The following TRIO variants were observed in gnomAD, a reference collection of about 807,000 sequenced individuals.
TRIO encodes trio Rho guanine nucleotide exchange factor, also known as triple functional domain protein.
TRIO carries 58 observed loss-of-function variants against 351.9 expected under a neutral mutation model. The observed-to-expected ratio is 0.16, with a 90% confidence interval of 0.13 to 0.21. The LOEUF (loss-of-function observed/expected upper bound fraction) is 0.21. Ranked by LOEUF, TRIO falls within the 10% of genes least tolerant of loss-of-function variation. The probability of loss-of-function intolerance (pLI) is 1.00; values close to 1 mark genes in which losing one functional copy is unlikely to be tolerated. For synonymous variants in TRIO, 1,758 were observed against 1,595.7 expected (o/e 1.10, Z -2.42); for missense variants, 3,201 against 4,027.8 (o/e 0.79, Z 5.56).
chr5:14,174,252 T>G (rs1205407596), intron 1 of TRIO, among the ~76,000 whole-genome samples: 1 of 152,200 alleles, frequency 6.6e-6, no homozygotes, highest in African/African-American at 2.4e-5. Context: ...GTTAAGGCAC[T>G]TTTGGTTGCT....
At chr5:14,211,430 A>G (rs1398696900) in intron 1 of TRIO, among the ~76,000 whole-genome samples, 1 of 152,226 alleles carries the variant, frequency 6.6e-6, no homozygotes, top group Non-Finnish European at 1.5e-5. Context: ...AGTCATTACT[A>G]TAAATTTGCC....
chr5:14,397,764 C>T (rs1162929838), intron 29 of TRIO, among the ~76,000 whole-genome samples: 1 of 152,128 alleles, frequency 6.6e-6, no homozygotes. Context: ...TTATGGGTAA[C>T]ACTGAACATA....
chr5:14,306,243 A>C (rs1209392248), intron 8 of TRIO, among the ~76,000 whole-genome samples: 1 of 152,236 alleles, frequency 6.6e-6, no homozygotes, highest in South Asian at 2.1e-4. Context: ...CGTGTTGGCT[A>C]TGGAATTAAG....
intron 21 of TRIO, among the ~76,000 whole-genome samples, chr5:14,387,026 G>A (rs569584098): frequency 8.5e-5 from 13 of 152,332 alleles, no homozygotes; most frequent in South Asian, 4.1e-4. Context: ...AGAGCTGTGG[G>A]TCCAGTTGGG....
intron 5 of TRIO, 85 bp from the exon 6 acceptor site, chr5:14,292,927 T>C: frequency 6.3e-7 from 1 of 1,584,162 alleles, no homozygotes; most frequent in East Asian, 2.3e-5. Flanking sequence ...GAAGTTGCCC[T>C]TTCTTGGTAC....
chr5:14,462,466 TA>T, intron 35 of TRIO, among the ~76,000 whole-genome samples: 1 of 152,202 alleles, frequency 6.6e-6, no homozygotes, highest in African/African-American at 2.4e-5. Context: ...TGAGCCTTTT[TA>T]AAAATTGGCT....
chr5:14,239,315 A>G (rs970100862), intron 1 of TRIO, among the ~76,000 whole-genome samples: 2 of 152,100 alleles, frequency 1.3e-5, no homozygotes, highest in African/African-American at 4.8e-5. Flanking sequence ...TTGAAAATGT[A>G]GTTATTCTTC....
intron 34 of TRIO, among the ~76,000 whole-genome samples, chr5:14,455,308 G>T (rs1225899357): frequency 6.6e-6 from 1 of 152,288 alleles, no homozygotes; most frequent in Non-Finnish European, 1.5e-5. Context: ...ATTTTGACAG[G>T]GTGCTGATTG....
At chr5:14,220,915 T>C (rs1458630415) in intron 1 of TRIO, among the ~76,000 whole-genome samples, 1 of 152,264 alleles carries the variant, frequency 6.6e-6, no homozygotes, top group Non-Finnish European at 1.5e-5. Flanking sequence ...ATTTTCAGTG[T>C]AGGCAAAACA....
chr5:14,442,697 G>T (rs1027565152), intron 34 of TRIO, among the ~76,000 whole-genome samples: 2 of 152,170 alleles, frequency 1.3e-5, no homozygotes, highest in Non-Finnish European at 2.9e-5. Flanking sequence ...GACCCTGTGC[G>T]CTAGGAATTC....
In TRIO at chr5:14,456,002, C is replaced by G. The variant is rs544052647; in HGVS notation, c.5204-5017C>G. On this transcript the variant is annotated intron_variant, in intron 34 of 56. Coordinates refer to ENST00000344204, the MANE Select transcript of TRIO (RefSeq NM_007118.4). Reference sequence around the variant, plus strand: ...GCATGGTGGGCTGCAGGTCCCAAGCCCTGCCCCGCGGGGAGGTGGCTGAGG... The same window carrying G: ...GCATGGTGGGCTGCAGGTCCCAAGCGCTGCCCCGCGGGGAGGTGGCTGAGG... 6.6e-5 allele frequency among the ~76,000 whole-genome samples: 10 copies of G among 152,376 alleles called. No homozygotes were observed. The East Asian group carries it at 1.7e-3, about 26-fold the overall frequency.
At chr5:14,317,176 G>T (rs1353520873) in intron 9 of TRIO, among the ~76,000 whole-genome samples, 5 of 152,138 alleles carry the variant, frequency 3.3e-5, no homozygotes, top group African/African-American at 4.8e-5. Flanking sequence ...ATTATAATTA[G>T]TTGTCTTGTT....
chr5:14,478,479 G>A (rs781702776), intron 41 of TRIO, among the ~76,000 whole-genome samples: 6 of 152,100 alleles, frequency 3.9e-5, no homozygotes, highest in African/African-American at 4.8e-5. Context: ...GGGGCCCTGG[G>A]GGTCTGCACA....
chr5:14,159,890 G>A (rs543533476), intron 1 of TRIO, among the ~76,000 whole-genome samples: 1 of 152,286 alleles, frequency 6.6e-6, no homozygotes, highest in East Asian at 1.9e-4. Context: ...GAATATTGGA[G>A]TCACCTCTGC....
At chr5:14,343,543 A>T (rs62344979) in intron 11 of TRIO, among the ~76,000 whole-genome samples, 1 of 152,048 alleles carries the variant, frequency 6.6e-6, no homozygotes, top group African/African-American at 2.4e-5. Flanking sequence ...TTTTTAACTC[A>T]GCACAATTCC....
At chr5:14,429,170 C>A (rs954581256) in intron 34 of TRIO, among the ~76,000 whole-genome samples, 1 of 152,258 alleles carries the variant, frequency 6.6e-6, no homozygotes, top group Non-Finnish European at 1.5e-5. Flanking sequence ...AAGTGGCGTT[C>A]CTGGAGGGGA....
At position 14,462,833 on chromosome 5, in the gene TRIO, G is replaced by C; in HGVS notation, c.5575G>C (p.Glu1859Gln). The C allele has an allele frequency of 6.2e-7, 1 of 1,614,144 alleles. No individual in the cohort carries two copies. The highest frequency in any genetic ancestry group is 2.2e-5 in the East Asian group (1 of 44,882). Residue 1859 changes from glutamate to glutamine, a missense_variant, in exon 36 of 57, where the codon GAA (glutamate) becomes CAA (glutamine). By Grantham distance (29) the Glu-to-Gln change is conservative. Coordinates refer to ENST00000344204, the MANE Select transcript of TRIO (RefSeq NM_007118.4). The part of the protein sequence containing the change: ...SSGMQSCGEE[E>Q]GEEGADAVPL... ...GGGGATGCAGAGCTGTGGAGAAGAGGAAGGCGAGGAGGGGGCCGACGCCGT... is the reference window on the plus strand; with the variant it reads ...GGGGATGCAGAGCTGTGGAGAAGAGCAAGGCGAGGAGGGGGCCGACGCCGT...
chr5:14,489,743 C>T (rs1312005336), intron 48 of TRIO, among the ~76,000 whole-genome samples: 3 of 152,178 alleles, frequency 2.0e-5, no homozygotes, highest in African/African-American at 7.2e-5. Flanking sequence ...ATGGCCACAC[C>T]CTGGCTCCAT....
intron 4 of TRIO, among the ~76,000 whole-genome samples, chr5:14,288,541 C>T (rs1483927913): frequency 1.3e-5 from 2 of 152,092 alleles, no homozygotes; most frequent in Non-Finnish European, 2.9e-5. Flanking sequence ...GTGGCAGGCA[C>T]CTGTAGTCCC....
Sources: allele counts gnomAD v4.1 joint callset (sites outside exome capture counted in the v4.1 genomes callset), GRCh38; gene constraint gnomAD v4.1.1; transcripts MANE v1.5; gene names NCBI Gene and HGNC (gene_info 2026-07-23, HGNC 2026-07-21).